Variants in MITF observed in about 807,000 individuals in gnomAD.
MITF encodes the protein melanocyte inducing transcription factor, also known as microphthalmia-associated transcription factor.
A neutral mutation model predicts 60.5 loss-of-function variants in MITF; 17 were observed. The observed-to-expected ratio is 0.28, with a 90% CI of 0.19 to 0.42. MITF has a LOEUF of 0.42. MITF is among the 10% of genes least tolerant of loss of function. The pLI, the probability that MITF is intolerant of heterozygous loss-of-function variation, is 1.00. For missense variants in MITF, 622 were observed against 683.5 expected (o/e 0.91, Z 1.00); for synonymous variants, 260 against 248.5 (o/e 1.05, Z -0.43).
intron 1 of MITF, among the ~76,000 whole-genome samples, chr3:69,773,699 T>C (rs966823057): frequency 1.3e-5 from 2 of 152,208 alleles, no homozygotes; most frequent in African/African-American, 4.8e-5. Flanking sequence ...CTTTCTGTGC[T>C]TTATTTACTT....
intron 1 of MITF, among the ~76,000 whole-genome samples, chr3:69,824,251 G>A (rs1188121060): frequency 6.6e-6 from 1 of 152,150 alleles, no homozygotes; most frequent in Non-Finnish European, 1.5e-5. Flanking sequence ...GCTGTTTCCA[G>A]ACTTTATTGT....
At chr3:69,941,148 G>A (rs2065959159) in intron 4 of MITF, 88 bp from the exon 5 acceptor site, 1 of 804,276 alleles carries the variant, frequency 1.2e-6, no homozygotes. Context: ...TTATTGCTTT[G>A]GGTAAAAAAA....
chr3:69,870,424 G>A (rs1559686621), intron 1 of MITF, among the ~76,000 whole-genome samples: 2 of 145,200 alleles, frequency 1.4e-5, no homozygotes, highest in African/African-American at 2.5e-5. Context: ...ATATGTGTGT[G>A]TATATATATA....
intron 1 of MITF, among the ~76,000 whole-genome samples, chr3:69,811,353 A>G (rs56764448): frequency 0.16 from 24,959 of 152,216 alleles, 2,214 homozygotes; most frequent in South Asian, 0.21. Context: ...TTTCCGAGCA[A>G]AATATATGGC....
chr3:69,936,154 C>T (rs1250500451), intron 2 of MITF, among the ~76,000 whole-genome samples: 1 of 152,128 alleles, frequency 6.6e-6, no homozygotes, highest in Non-Finnish European at 1.5e-5. Context: ...TGAACTTGAA[C>T]ATTCAGCACA....
rs532149921 is a variant in MITF, at chr3:69,831,502, C to G, written c.105-47632C>G. Among the ~76,000 whole-genome samples the G allele has an allele frequency of 3.4e-3, 516 of 152,200 alleles. 1 individual carries two copies. The highest frequency in any genetic ancestry group is 5.2e-3 in the Non-Finnish European group (355 of 68,026). Reference sequence around the variant, plus strand: ...TATCTTTTGCAATTTTTTTGTTTGACTAGATAGCAGTAGGTAACTAATCTG... The same window carrying G: ...TATCTTTTGCAATTTTTTTGTTTGAGTAGATAGCAGTAGGTAACTAATCTG... On this transcript the variant is annotated intron_variant, in intron 1 of 9. Coordinates refer to ENST00000352241, the MANE Select transcript of MITF (RefSeq NM_001354604.2).
At chr3:69,929,988 G>A (rs2065681681) in intron 2 of MITF, among the ~76,000 whole-genome samples, 1 of 151,938 alleles carries the variant, frequency 6.6e-6, no homozygotes, top group African/African-American at 2.4e-5. Flanking sequence ...ACCATTTTTT[G>A]ACCTACCCCC....
chr3:69,818,070 G>A (rs1032808898), intron 1 of MITF, among the ~76,000 whole-genome samples: 14 of 152,184 alleles, frequency 9.2e-5, no homozygotes, highest in African/African-American at 3.4e-4. Context: ...AATATTTAAT[G>A]CAGTATGAAG....
At chr3:69,895,862 T>C (rs1421890282) in intron 2 of MITF, among the ~76,000 whole-genome samples, 1 of 149,174 alleles carries the variant, frequency 6.7e-6, no homozygotes, top group Non-Finnish European at 1.5e-5. Flanking sequence ...GTGTGTGTTT[T>C]GACAATTTTT....
chr3:69,875,430 G>C (rs747183455), intron 1 of MITF, among the ~76,000 whole-genome samples: 38 of 152,288 alleles, frequency 2.5e-4, no homozygotes, highest in South Asian at 8.3e-4. Flanking sequence ...AACTCTATGA[G>C]ATTAGAAACC....
intron 1 of MITF, among the ~76,000 whole-genome samples, chr3:69,754,363 C>A (rs1559610104): frequency 6.6e-6 from 1 of 152,112 alleles, no homozygotes; most frequent in Non-Finnish European, 1.5e-5. Flanking sequence ...ATTACAGGTG[C>A]ATACCAACAC....
chr3:69,819,085 A>G (rs546315524), intron 1 of MITF, among the ~76,000 whole-genome samples: 1 of 152,290 alleles, frequency 6.6e-6, no homozygotes, highest in Non-Finnish European at 1.5e-5. Context: ...AAAAACAACT[A>G]TAGTTGTTGA....
chr3:69,836,905 C>T (rs2063549267), intron 1 of MITF, among the ~76,000 whole-genome samples: 1 of 152,134 alleles, frequency 6.6e-6, no homozygotes, highest in African/African-American at 2.4e-5. Context: ...GGCTGACTGG[C>T]CAGGACTGAT....
chr3:69,787,949 T>C (rs1476528318), intron 1 of MITF, among the ~76,000 whole-genome samples: 1 of 152,118 alleles, frequency 6.6e-6, no homozygotes, highest in East Asian at 1.9e-4. Flanking sequence ...ATTTGCATTG[T>C]TCTGTTTATT....
chr3:69,937,719 CTG>C, intron 2 of MITF, 101 bp from the exon 3 acceptor site: 1 of 921,840 alleles, frequency 1.1e-6, no homozygotes, highest in East Asian at 2.6e-5. Context: ...ATAATTTATT[CTG>C]TTGGTGGCCT....
chr3:69,870,046 C>A (rs2064193934), intron 1 of MITF, among the ~76,000 whole-genome samples: 1 of 151,790 alleles, frequency 6.6e-6, no homozygotes, highest in African/African-American at 2.4e-5. Flanking sequence ...TTTGTTCTTT[C>A]CTATTTTTCT....
intron 2 of MITF, among the ~76,000 whole-genome samples, chr3:69,895,746 T>C (rs952386904): frequency 6.6e-5 from 10 of 152,042 alleles, no homozygotes; most frequent in East Asian, 1.9e-4. Flanking sequence ...TTGCTCACTT[T>C]CCTTCAGTTT....
At chr3:69,874,614 TG>T (rs1472721122) in intron 1 of MITF, among the ~76,000 whole-genome samples, 1 of 151,874 alleles carries the variant, frequency 6.6e-6, no homozygotes, top group African/African-American at 2.4e-5. Context: ...GCCTGAGGAG[TG>T]GACTAAAGGA....
chr3:69,833,368 A>G (rs1201359891), intron 1 of MITF, among the ~76,000 whole-genome samples: 1 of 151,868 alleles, frequency 6.6e-6, no homozygotes, highest in Non-Finnish European at 1.5e-5. Context: ...TTTTCTATTT[A>G]CACTGTATGT....
Sources: allele counts gnomAD v4.1 joint callset (sites outside exome capture counted in the v4.1 genomes callset), GRCh38; gene constraint gnomAD v4.1.1; transcripts MANE v1.5; gene names NCBI Gene and HGNC (gene_info 2026-07-23, HGNC 2026-07-21).